Variants in PPHLN1 observed in about 807,000 individuals in gnomAD.
PPHLN1 encodes the protein periphilin 1, also known as periphilin-1.
In PPHLN1, 29 loss-of-function variants were observed where a neutral mutation model predicts 51.3. The observed-to-expected ratio is 0.57, with a 90% CI of 0.42 to 0.77. PPHLN1 has a LOEUF of 0.77. Ranked by LOEUF, PPHLN1 falls within the 30% of genes least tolerant of loss-of-function variation. The pLI is 0.00. For missense variants in PPHLN1, 436 were observed against 438.4 expected (o/e 0.99, Z 0.05); for synonymous variants, 147 against 147.8 (o/e 0.99, Z 0.04).
At chr12:42,340,983 C>CTTTT (rs552090682) in intron 2 of PPHLN1, among the ~76,000 whole-genome samples, 30 of 131,046 alleles carry the variant, frequency 2.3e-4, no homozygotes, top group South Asian at 4.7e-4. Context: ...TTCTTTCTTT[C>CTTTT]TTTTTTTTTT....
downstream of PPHLN1, chr12:42,445,028 C>G (rs2083231087): frequency 1.4e-6 from 1 of 702,098 alleles, no homozygotes; most frequent in African/African-American, 1.7e-5. Context: ...ACTCTGCTTA[C>G]TCTGTTTATT....
At chr12:42,433,090 C>T in intron 9 of PPHLN1, 1 of 791,904 alleles carries the variant, frequency 1.3e-6, no homozygotes. Context: ...TTTTTATTGA[C>T]AGGCCAAAGT....
chr12:42,398,378 T>G (rs1283407916), intron 8 of PPHLN1, among the ~76,000 whole-genome samples: 1 of 152,226 alleles, frequency 6.6e-6, no homozygotes, highest in Non-Finnish European at 1.5e-5. Context: ...ACAACACCTC[T>G]CACTTCCATT....
intron 9 of PPHLN1, among the ~76,000 whole-genome samples, chr12:42,438,727 G>C (rs745886303): frequency 1.3e-5 from 2 of 151,986 alleles, no homozygotes; most frequent in Non-Finnish European, 2.9e-5. Context: ...TCAGTCTCCC[G>C]AGTAGCTGGG....
chr12:42,403,574 C>G (rs1011104548), intron 9 of PPHLN1, among the ~76,000 whole-genome samples: 2 of 152,034 alleles, frequency 1.3e-5, no homozygotes, highest in African/African-American at 2.4e-5. Context: ...TTATTTTGTA[C>G]CTGATATCTC....
chr12:42,383,963 A>T (rs1404527224), intron 5 of PPHLN1, among the ~76,000 whole-genome samples: 2 of 140,620 alleles, frequency 1.4e-5, no homozygotes, highest in African/African-American at 5.2e-5. Flanking sequence ...CAGCCTGGGC[A>T]ACAGAGTGAG....
Position 42,399,017 on chromosome 12 carries a change from G to C in PPHLN1, c.909+23G>C, listed in dbSNP as rs369295127. On this transcript the variant is annotated intron_variant, in intron 9 of 9. Transcript: ENST00000358314. Reference sequence around the variant, plus strand: ...CAGGTGAGAGTCTAGTTGTCTTCATGTACATAATTTTTGTTTGTGTTGCTT... The same window carrying C: ...CAGGTGAGAGTCTAGTTGTCTTCATCTACATAATTTTTGTTTGTGTTGCTT... 6.8e-6 allele frequency: 11 copies of C among 1,606,918 alleles called. No homozygotes were observed. In the African/African-American group the frequency reaches 1.3e-4, roughly 20 times the overall value.
intron 2 of PPHLN1, among the ~76,000 whole-genome samples, chr12:42,338,090 C>A (rs2070961611): frequency 6.6e-6 from 1 of 152,008 alleles, no homozygotes; most frequent in Non-Finnish European, 1.5e-5. Flanking sequence ...GCACCCGCAT[C>A]TAATTTTTGT....
At chr12:42,403,578 A>G (rs1279933516) in intron 9 of PPHLN1, among the ~76,000 whole-genome samples, 3 of 152,214 alleles carry the variant, frequency 2.0e-5, no homozygotes, top group Non-Finnish European at 4.4e-5. Context: ...TTTGTACCTG[A>G]TATCTCTTTA....
downstream of PPHLN1, chr12:42,443,831 C>CT (rs2083143803): frequency 6.6e-6 from 1 of 152,188 alleles, no homozygotes. Flanking sequence ...ACTTAAAAGA[C>CT]TGCTTTTATA....
chr12:42,388,163 TAAA>T (rs1401367921), intron 7 of PPHLN1, among the ~76,000 whole-genome samples: 2 of 152,144 alleles, frequency 1.3e-5, no homozygotes, highest in Non-Finnish European at 2.9e-5. Flanking sequence ...GGTGGATTAT[TAAA>T]AGAGGAAAGC....
In PPHLN1 at chr12:42,441,436, G is replaced by A. The variant is rs780049555; in HGVS notation, c.1031G>A (p.Arg344Gln). 17 of 1,613,458 alleles carry A rather than the reference G, an allele frequency of 1.1e-5. No homozygotes were observed. Among genetic ancestry groups the A allele is most frequent in the South Asian group, 6.6e-5 (6 of 91,066 alleles). Residue 344 changes from arginine to glutamine, a missense_variant, in exon 10 of 10, where the codon CGG (arginine) becomes CAG (glutamine). Coordinates refer to ENST00000358314, the MANE Select transcript of PPHLN1 (RefSeq NM_201439.2). ...CAGAATTTACATGAAATAGGTGAGC[G>A]GTGTGTTGAAGAACTCAAGCATTTC... ...LRQNLHEIGE[R>Q]CVEELKHFIA...
intron 9 of PPHLN1, among the ~76,000 whole-genome samples, chr12:42,439,606 C>T (rs2082771176): frequency 6.6e-6 from 1 of 152,162 alleles, no homozygotes; most frequent in African/African-American, 2.4e-5. Flanking sequence ...CGTCTGCCTC[C>T]CAGGTTCAGC....
At chr12:42,374,204 G>A (rs1244844683) in intron 4 of PPHLN1, among the ~76,000 whole-genome samples, 1 of 152,106 alleles carries the variant, frequency 6.6e-6, no homozygotes, top group Non-Finnish European at 1.5e-5. Context: ...TTGAGAATGT[G>A]GTAGCTGTGT....
chr12:42,366,540 T>C (rs966250352), intron 4 of PPHLN1, among the ~76,000 whole-genome samples: 4 of 150,874 alleles, frequency 2.7e-5, no homozygotes, highest in Non-Finnish European at 5.9e-5. Flanking sequence ...TGTTTTTTTT[T>C]GTTTTTGTTT....
intron 4 of PPHLN1, chr12:42,359,526 A>C (rs2138399011): frequency 6.6e-6 from 1 of 152,336 alleles, no homozygotes; most frequent in South Asian, 2.1e-4. Context: ...CTCAGGTTTT[A>C]TGCTATCACA....
At chr12:42,445,208 A>G (rs2083244927), downstream of PPHLN1, 3 of 688,468 alleles carry the variant, frequency 4.4e-6, no homozygotes, top group Admixed American at 2.1e-5. Flanking sequence ...GCAATGATCA[A>G]GCAGACCTGC....
chr12:42,443,058 G>T, downstream of PPHLN1: 19 of 226,988 alleles, frequency 8.4e-5, no homozygotes, highest in South Asian at 4.8e-4. Flanking sequence ...ATGGGCCTTA[G>T]TTAAGGCTAC....
chr12:42,390,818 GTTTTTTT>G (rs34282980), intron 7 of PPHLN1, among the ~76,000 whole-genome samples: 4 of 118,586 alleles, frequency 3.4e-5, no homozygotes, highest in African/African-American at 1.3e-4. Context: ...AGACCGTGAA[GTTTTTTT>G]TTTTTTTTTT....
Sources: allele counts gnomAD v4.1 joint callset (sites outside exome capture counted in the v4.1 genomes callset), GRCh38; gene constraint gnomAD v4.1.1; transcripts MANE v1.5; gene names NCBI Gene and HGNC (gene_info 2026-07-23, HGNC 2026-07-21).